GPR107: variants seen among roughly 807,000 people sequenced by gnomAD.
GPR107 encodes the protein G protein-coupled receptor 107.
GPR107 carries 31 observed loss-of-function variants against 75.5 expected under a neutral mutation model. The ratio of observed to expected loss-of-function variants is 0.41; its 90% CI spans 0.31 to 0.55. The LOEUF is 0.55. GPR107 is among the 20% of genes least tolerant of loss of function. The pLI is 0.26. For missense variants in GPR107, 572 were observed against 665.7 expected, an observed-to-expected ratio of 0.86 and a Z score of 1.55; for synonymous variants, 267 against 251.3, an observed-to-expected ratio of 1.06 and a Z score of -0.59.
chr9:130,064,422 G>A (rs1016728567), intron 1 of GPR107, among the ~76,000 whole-genome samples: 1 of 148,538 alleles, frequency 6.7e-6, no homozygotes, highest in Admixed American at 6.7e-5. Context: ...GGATGGTCTC[G>A]ATCTCCTGAC....
intron 14 of GPR107, among the ~76,000 whole-genome samples, chr9:130,120,026 A>G (rs538436918): frequency 3.3e-5 from 5 of 152,014 alleles, no homozygotes; most frequent in East Asian, 3.9e-4. Context: ...GGGTCTCCCT[A>G]TGTTGCCCAG....
In GPR107 at chr9:130,097,155, C is replaced by T. The variant is rs866704091; in HGVS notation, c.864-2302C>T. On this transcript the variant is annotated intron_variant, in intron 9 of 17. Coordinates refer to ENST00000347136, the MANE Select transcript of GPR107 (RefSeq NM_020960.5). ...TCTTTTCTTTACTTTTCTTTTTTTT[C>T]TTTTTTTTTTTTTTTTTGAGACAGA... Among the ~76,000 whole-genome samples the T allele has an allele frequency of 7.1e-4, 93 of 130,138 alleles. 3 individuals carry two copies. The highest frequency in any genetic ancestry group is 8.5e-3 in the Middle Eastern group (2 of 234). The allele number at this position is 130,138 out of a possible 152,430, so 85.4% of individuals were successfully genotyped here.
intron 14 of GPR107, among the ~76,000 whole-genome samples, chr9:130,110,882 G>C (rs1417196526): frequency 3.3e-5 from 5 of 152,200 alleles, no homozygotes; most frequent in Non-Finnish European, 7.3e-5. Context: ...GAGCACAAAG[G>C]CTACAGGCAA....
At chr9:130,087,636 T>TA (rs1363230664) in intron 7 of GPR107, among the ~76,000 whole-genome samples, 8 of 151,496 alleles carry the variant, frequency 5.3e-5, no homozygotes, top group African/African-American at 1.5e-4. Flanking sequence ...CTTCATCTCT[T>TA]AAAAAAAATT....
chr9:130,084,775 C>CA (rs143763501), intron 6 of GPR107, among the ~76,000 whole-genome samples: 15,847 of 118,628 alleles, frequency 0.13, 880 homozygotes, highest in Admixed American at 0.18. Flanking sequence ...GACCCTGTCT[C>CA]AAAAAAAAAA....
rs1016226229 is a variant in GPR107 at position 130,138,064 on chromosome 9, T to C, written c.*2943T>C. On this transcript the variant is annotated 3_prime_UTR_variant, in exon 18 of 18. Coordinates refer to ENST00000347136, the MANE Select transcript of GPR107 (RefSeq NM_020960.5). ...TCATTGATCTGTAAATCCTGGCTCT[T>C]AACAGTGAGTGGCCAAGGACTTGAT... 2 of 152,252 alleles carry C rather than the reference T, an allele frequency of 1.3e-5. No individual in the cohort carries two copies. Among genetic ancestry groups the C allele is most frequent in the East Asian group, 3.8e-4 (2 of 5,196 alleles). The allele number at this position is 152,252 out of a possible 1,614,324, so 9.4% of individuals were successfully genotyped here. A position where few individuals can be genotyped will look rare whatever the true frequency, so the allele number is the denominator to read the frequency against.
At chr9:130,127,118 TG>T (rs1831708741) in intron 15 of GPR107, among the ~76,000 whole-genome samples, 1 of 152,368 alleles carries the variant, frequency 6.6e-6, no homozygotes, top group Admixed American at 6.5e-5. Context: ...CTATTACTAC[TG>T]GTAAATATTC....
chr9:130,085,754 ATTTT>A (rs71387311), intron 6 of GPR107, among the ~76,000 whole-genome samples: 2 of 78,668 alleles, frequency 2.5e-5, no homozygotes, highest in Admixed American at 1.7e-4. Context: ...CAATATTTTG[ATTTT>A]TTTTTTTTTT....
At chr9:130,123,157 C>T (rs535928187) in intron 14 of GPR107, among the ~76,000 whole-genome samples, 1 of 152,300 alleles carries the variant, frequency 6.6e-6, no homozygotes, top group South Asian at 2.1e-4. Context: ...CGCCTCCCAC[C>T]TCTGTTTCCC....
At chr9:130,085,430 T>A (rs1013927484) in intron 6 of GPR107, among the ~76,000 whole-genome samples, 1 of 152,194 alleles carries the variant, frequency 6.6e-6, no homozygotes, top group Non-Finnish European at 1.5e-5. Context: ...TGTTTTGTCT[T>A]AACAGCTTTG....
chr9:130,085,433 C>T (rs1230746997), intron 6 of GPR107, among the ~76,000 whole-genome samples: 1 of 152,184 alleles, frequency 6.6e-6, no homozygotes, highest in East Asian at 1.9e-4. Flanking sequence ...TTTGTCTTAA[C>T]AGCTTTGTTG....
At chr9:130,057,969 T>C (rs1259330637) in intron 1 of GPR107, among the ~76,000 whole-genome samples, 5 of 151,844 alleles carry the variant, frequency 3.3e-5, no homozygotes, top group African/African-American at 9.7e-5. Context: ...GCTGGGATTA[T>C]AGGCATGCGC....
intron 9 of GPR107, among the ~76,000 whole-genome samples, chr9:130,093,959 C>T (rs919374661): frequency 2.6e-5 from 4 of 152,148 alleles, no homozygotes; most frequent in Non-Finnish European, 4.4e-5. Context: ...GGATTACAGG[C>T]ATGTGCCAAC....
chr9:130,090,830 C>T (rs759416193), intron 7 of GPR107, 46 bp from the exon 8 acceptor site: 11 of 688,618 alleles, frequency 1.6e-5, no homozygotes, highest in Admixed American at 2.7e-5. Context: ...AAATATATAT[C>T]GCTGAGGATT....
At chr9:130,071,960 C>G (rs1330579137) in intron 1 of GPR107, among the ~76,000 whole-genome samples, 1 of 151,468 alleles carries the variant, frequency 6.6e-6, no homozygotes, top group Non-Finnish European at 1.5e-5. Context: ...GCTGGGATTA[C>G]AGGCGTAATC....
At chr9:130,090,601 T>C (rs1405299877) in intron 7 of GPR107, among the ~76,000 whole-genome samples, 1 of 152,226 alleles carries the variant, frequency 6.6e-6, no homozygotes, top group East Asian at 1.9e-4. Flanking sequence ...AGCTGTTCTG[T>C]ATGCTTGAAA....
At chr9:130,064,266 C>T (rs1484204520) in intron 1 of GPR107, among the ~76,000 whole-genome samples, 7 of 133,180 alleles carry the variant, frequency 5.3e-5, no homozygotes, top group East Asian at 2.1e-4. Flanking sequence ...GGCGCAATCT[C>T]GGCTCACTGC....
At position 130,139,822 on chromosome 9, in the gene GPR107, G is replaced by A. The variant is rs1832054360; in HGVS notation, c.*4701G>A. ...ACGTAAGATACTGTTACAGGGTCCA[G>A]AAATCGTGTTCACATGGGGGCTTTG... On this transcript the variant is annotated 3_prime_UTR_variant, in exon 18 of 18. Transcript: ENST00000347136. 1 of 152,258 alleles carries A rather than the reference G, an allele frequency of 6.6e-6. No homozygotes were observed. The highest frequency in any genetic ancestry group is 2.1e-4 in the South Asian group (1 of 4,838). The allele number at this position is 152,258 out of a possible 1,614,324, so 9.4% of individuals were successfully genotyped here.
chr9:130,121,352 C>A (rs896646663), intron 14 of GPR107, among the ~76,000 whole-genome samples: 1 of 152,012 alleles, frequency 6.6e-6, no homozygotes, highest in Non-Finnish European at 1.5e-5. Flanking sequence ...AAAATAATTG[C>A]AAAAAAATCT....
Sources: gnomAD v4.1 joint callset for allele counts (sites outside exome capture counted in the v4.1 genomes callset) on GRCh38, gnomAD v4.1.1 for gene constraint, MANE v1.5 for transcripts, NCBI Gene and HGNC (gene_info 2026-07-23, HGNC 2026-07-21) for gene names.